The following EDC4 variants were observed in gnomAD, a reference collection of about 807,000 sequenced individuals.
EDC4 encodes enhancer of mRNA decapping 4.
Under a neutral mutation model 155.8 loss-of-function variants are expected in EDC4, and 64 were observed. That is an observed-to-expected ratio of 0.41 (90% CI 0.34 to 0.51). The LOEUF (loss-of-function observed/expected upper bound fraction) is 0.51. Among genes scored for constraint, EDC4 ranks in the 20% least tolerant of loss-of-function variants. The pLI, the probability that EDC4 is intolerant of heterozygous loss-of-function variation, is 0.19. For missense variants in EDC4, 1,303 were observed against 1,812.5 expected (o/e 0.72, Z 5.10); for synonymous variants, 684 against 716.8 (o/e 0.95, Z 0.73).
In EDC4 at chr16:67,879,219, T is replaced by C. The variant is rs371781428; in HGVS notation, c.1469-18T>C. 6.7e-5 allele frequency: 108 copies of C among 1,614,174 alleles called. No homozygotes were observed. The African/African-American group carries it at 1.4e-3, about 20-fold the overall frequency. On this transcript the variant is annotated intron_variant, in intron 12 of 28. Transcript: ENST00000358933. The surrounding 1 kb of genome is among the most constrained non-coding windows in gnomAD (Gnocchi z 6.0). Reference sequence around the variant, plus strand: ...ACAGAGAGGGCCAGGGGCTTCATCATCCACACTGTCCTTTCAGATGGTACC... The same window carrying C: ...ACAGAGAGGGCCAGGGGCTTCATCACCCACACTGTCCTTTCAGATGGTACC...
chr16:67,881,702 T>C lies in EDC4; in HGVS notation c.2861T>C (p.Ile954Thr). The change falls in exon 22 of 29, where the codon ATT (isoleucine) becomes ACT (threonine). Residue 954 changes from isoleucine (I) to threonine (T), a missense_variant. Ile to Thr is a moderately conservative substitution (Grantham distance 89). Transcript: ENST00000358933. This position sits in a 1 kb window ranked among gnomAD's most constrained non-coding sequence, Gnocchi z 5.4. The part of the protein sequence containing the change: ...AEPPEDWPAL[I>T]WQQQRELAEL... ...CCCCCTGAGGACTGGCCAGCACTAA[T>C]TTGGCAACAGCAGAGAGAGCTGGCA... The C allele has an allele frequency of 6.2e-7, 1 of 1,613,908 alleles. No homozygotes were observed. Among genetic ancestry groups the C allele is most frequent in the Non-Finnish European group, 8.5e-7 (1 of 1,179,904 alleles).
Position 67,877,936 on chromosome 16 carries a change from A to G in EDC4, c.894+91A>G. 6.4e-7 allele frequency: 1 copy of G among 1,555,028 alleles called. No individual in the cohort carries two copies. On this transcript the variant is annotated intron_variant, in intron 7 of 28. Coordinates refer to ENST00000358933, the MANE Select transcript of EDC4 (RefSeq NM_014329.5). The surrounding 1 kb of genome is among the most constrained non-coding windows in gnomAD (Gnocchi z 4.9). ...TATCCACAGCTGCCCGGGCAGCTTT[A>G]CTAGCATTCTGCCCGTGGGGACTCT... is the stretch of plus-strand genomic sequence containing the variant.
Position 67,876,131 on chromosome 16 carries a change from G to A in EDC4, c.239+30G>A. ...GTACCTAGGAGACGACAATAGTGGT[G>A]ATGGTGTATTTGGGGTGTCTGCTAG... On this transcript the variant is annotated intron_variant, in intron 2 of 28. Coordinates refer to ENST00000358933, the MANE Select transcript of EDC4 (RefSeq NM_014329.5). This position sits in a 1 kb window ranked among gnomAD's most constrained non-coding sequence, Gnocchi z 5.8. 4 of 1,607,756 alleles carry A rather than the reference G, an allele frequency of 2.5e-6. No homozygotes were observed. The highest frequency in any genetic ancestry group is 3.4e-6 in the Non-Finnish European group (4 of 1,174,996).
Position 67,873,109 on chromosome 16 carries a change from C to T in EDC4, c.-153C>T, listed in dbSNP as rs2058026063. The T allele has an allele frequency of 3.8e-6, 2 of 524,160 alleles. No homozygotes were observed. Among genetic ancestry groups the T allele is most frequent in the East Asian group, 3.6e-5 (1 of 27,954 alleles). The allele number at this position is 524,160 out of a possible 1,614,324, so 32.5% of individuals were successfully genotyped here. On this transcript the variant is annotated 5_prime_UTR_variant, in exon 1 of 29. Transcript: ENST00000358933. ...GGTTGGTGGGGTTGGCGGGGCTCAG[C>T]GACGCTGCGCGGGTGGCGGTTTGCG...
At position 67,876,581 on chromosome 16, in the gene EDC4, G is replaced by T. The variant is rs2058042422; in HGVS notation, c.333G>T (p.Lys111Asn). The T allele has an allele frequency of 1.2e-6, 2 of 1,614,014 alleles. No homozygotes were observed. The highest frequency in any genetic ancestry group is 2.7e-5 in the African/African-American group (2 of 74,930). The change falls in exon 3 of 29, where the codon AAG becomes AAT. Residue 111 changes from lysine (K) to asparagine (N), a missense_variant. Physicochemically the swap from Lys to Asn is moderately conservative, Grantham distance 94. This residue lies in a region of EDC4 where 51 missense variants were observed against 121.1 expected (regional missense o/e 0.42). Coordinates refer to ENST00000358933, the MANE Select transcript of EDC4 (RefSeq NM_014329.5). The surrounding 1 kb of genome is among the most constrained non-coding windows in gnomAD (Gnocchi z 5.8). ...GCAGTGACTCTAGCATTTCAAGCAA[G>T]GCCCGGGGAAGCAACAAGGTAGGTA... ...VASSDSSISS[K>N]ARGSNKVKIQ...
chr16:67,881,243 C>A lies in EDC4; in HGVS notation c.2637-22C>A. On this transcript the variant is annotated intron_variant, in intron 19 of 28. Coordinates refer to ENST00000358933, the MANE Select transcript of EDC4 (RefSeq NM_014329.5). The surrounding 1 kb of genome is among the most constrained non-coding windows in gnomAD (Gnocchi z 5.4). Reference sequence around the variant, plus strand: ...TGGGCAGCAAGTGGGCAGGGGCTTACTCCTCCTTCCCCTTCCCACAGTGAC... The same window carrying A: ...TGGGCAGCAAGTGGGCAGGGGCTTAATCCTCCTTCCCCTTCCCACAGTGAC... The A allele has an allele frequency of 6.2e-7, 1 of 1,613,948 alleles. No homozygotes were observed. Among genetic ancestry groups the A allele is most frequent in the Non-Finnish European group, 8.5e-7 (1 of 1,179,940 alleles).
Position 67,876,295 on chromosome 16 carries a change from A to G in EDC4, c.240-193A>G, listed in dbSNP as rs2058040967. 1.3e-5 allele frequency among the ~76,000 whole-genome samples: 2 copies of G among 152,194 alleles called. No homozygotes were observed. Among genetic ancestry groups the G allele is most frequent in the African/African-American group, 2.4e-5 (1 of 41,436 alleles). ...GGGGTTTGGCCTGGATACCTGGTTTAGAATGAAAGTAGGCTCATTCCCAAG... is the reference window on the plus strand; with the variant it reads ...GGGGTTTGGCCTGGATACCTGGTTTGGAATGAAAGTAGGCTCATTCCCAAG... On this transcript the variant is annotated intron_variant, in intron 2 of 28. Transcript: ENST00000358933. The surrounding 1 kb of genome is among the most constrained non-coding windows in gnomAD (Gnocchi z 5.8).
In EDC4 at chr16:67,882,604, G is replaced by A. The variant is rs1196390289; in HGVS notation, c.3442+10G>A. On this transcript the variant is annotated intron_variant, in intron 25 of 28. Coordinates refer to ENST00000358933, the MANE Select transcript of EDC4 (RefSeq NM_014329.5). This position sits in a 1 kb window ranked among gnomAD's most constrained non-coding sequence, Gnocchi z 7.2. ...CTGGGGACACAGGAATGTGAGTGGGGTCATATGGCCCAAGGTGGGAGGGGT... is the reference window on the plus strand; with the variant it reads ...CTGGGGACACAGGAATGTGAGTGGGATCATATGGCCCAAGGTGGGAGGGGT... The A allele has an allele frequency of 6.2e-7, 1 of 1,614,222 alleles. No individual in the cohort carries two copies. The highest frequency in any genetic ancestry group is 1.7e-5 in the Admixed American group (1 of 60,022).
rs1567390658 is a variant in EDC4, at chr16:67,879,908, G to A, written c.1880G>A (p.Ser627Asn). 1 of 1,613,798 alleles carries A rather than the reference G, an allele frequency of 6.2e-7. No homozygotes were observed. Among genetic ancestry groups the A allele is most frequent in the South Asian group, 1.1e-5 (1 of 91,086 alleles). Residue 627 changes from serine (S) to asparagine (N), a missense_variant, in exon 16 of 29, where the codon AGC becomes AAC. This residue lies in a region of EDC4 where 391 missense variants were observed against 445.4 expected (regional missense o/e 0.88). Transcript: ENST00000358933. This position sits in a 1 kb window ranked among gnomAD's most constrained non-coding sequence, Gnocchi z 6.0. ...SGSSSSSSSS[S>N]SSLTAVSAMS... is the part of the protein sequence containing the mutation. Reference sequence around the variant, plus strand: ...AGCAGCAGCAGCAGCAGCAGTAGCAGCAGCTCCCTTACAGCTGTGTCTGCC... The same window carrying A: ...AGCAGCAGCAGCAGCAGCAGTAGCAACAGCTCCCTTACAGCTGTGTCTGCC...
Position 67,883,840 on chromosome 16 carries a change from TCCA to T in EDC4, c.4014-112_4014-110del. 6.5e-7 allele frequency: 1 copy of T among 1,539,210 alleles called. No homozygotes were observed. Among genetic ancestry groups the T allele is most frequent in the East Asian group, 2.3e-5 (1 of 44,164 alleles). On this transcript the variant is annotated intron_variant, in intron 28 of 28. Transcript: ENST00000358933. The surrounding 1 kb of genome is among the most constrained non-coding windows in gnomAD (Gnocchi z 5.3). ...TGCCTGAATCCTCTCCCTAATTTTC[TCCA>T]CCAGTCCTTTCTGCCTTCACCCAGA...
chr16:67,875,552 C>T (rs1415121709), intron 1 of EDC4, among the ~76,000 whole-genome samples: 1 of 152,252 alleles, frequency 6.6e-6, no homozygotes, highest in South Asian at 2.1e-4. Flanking sequence ...TACCTGATGC[C>T]TCTGTAGCTT....
In EDC4 at chr16:67,873,113, G is replaced by A. The variant is rs2058026093; in HGVS notation, c.-149G>A. 3 of 539,640 alleles carry A rather than the reference G, an allele frequency of 5.6e-6. No homozygotes were observed. The highest frequency in any genetic ancestry group is 8.8e-6 in the Non-Finnish European group (3 of 339,220). The allele number at this position is 539,640 out of a possible 1,614,324, so 33.4% of individuals were successfully genotyped here. On this transcript the variant is annotated 5_prime_UTR_variant, in exon 1 of 29. Coordinates refer to ENST00000358933, the MANE Select transcript of EDC4 (RefSeq NM_014329.5). ...GGTGGGGTTGGCGGGGCTCAGCGAC[G>A]CTGCGCGGGTGGCGGTTTGCGAACT...
rs2058066664 is a variant in EDC4 at position 67,881,253 on chromosome 16, C to G, written c.2637-12C>G. The G allele has an allele frequency of 6.2e-7, 1 of 1,613,934 alleles. No individual in the cohort carries two copies. Among genetic ancestry groups the G allele is most frequent in the Non-Finnish European group, 8.5e-7 (1 of 1,180,004 alleles). On this transcript the variant is annotated splice_polypyrimidine_tract_variant and intron_variant, in intron 19 of 28. Transcript: ENST00000358933. The surrounding 1 kb of genome is among the most constrained non-coding windows in gnomAD (Gnocchi z 5.4). ...GTGGGCAGGGGCTTACTCCTCCTTC[C>G]CCTTCCCACAGTGACCATGATGATG...
Position 67,876,871 on chromosome 16 carries a change from A to T in EDC4, c.352-2A>T, listed in dbSNP as rs781433949. On this transcript the variant is annotated splice_acceptor_variant, in intron 3 of 28. Transcript: ENST00000358933. LOFTEE classifies it high-confidence loss of function. This position sits in a 1 kb window ranked among gnomAD's most constrained non-coding sequence, Gnocchi z 5.8. ...ATGACTTTTCTCACCCTGGGTTCTC[A>T]GGTGAAAATTCAGCCTGTCGCCAAG... The T allele has an allele frequency of 3.1e-6, 5 of 1,613,786 alleles. No homozygotes were observed.
chr16:67,881,902 C>T lies in EDC4; in HGVS notation c.3005-52C>T. 6.2e-7 allele frequency: 1 copy of T among 1,603,032 alleles called. No homozygotes were observed. On this transcript the variant is annotated intron_variant, in intron 22 of 28. Transcript: ENST00000358933. The surrounding 1 kb of genome is among the most constrained non-coding windows in gnomAD (Gnocchi z 5.4). ...TAGGGACGGGGGCAGCATTCTTGGC[C>T]TGGGAAGGAGTACACGACCTGCTCC...
Position 67,878,830 on chromosome 16 carries a change from G to A in EDC4, c.1278G>A (p.Val426=). The change falls in exon 11 of 29, where the codon GTG becomes GTA. Residue 426 remains valine, a synonymous_variant. Coordinates refer to ENST00000358933, the MANE Select transcript of EDC4 (RefSeq NM_014329.5). This position sits in a 1 kb window ranked among gnomAD's most constrained non-coding sequence, Gnocchi z 5.2. ...LSAEYLILSD[V]QRKVLYVMEL... is the part of the protein sequence containing the mutation. ...CAGAATACCTGATTCTCAGCGATGT[G>A]CAACGGAAGGTAGGCTGCCATGGGG... 1 of 1,613,712 alleles carries A rather than the reference G, an allele frequency of 6.2e-7. No individual in the cohort carries two copies. Among genetic ancestry groups the A allele is most frequent in the Non-Finnish European group, 8.5e-7 (1 of 1,180,032 alleles).
In EDC4 at chr16:67,881,993, G is replaced by C; in HGVS notation, c.3044G>C (p.Arg1015Pro). The stretch of plus-strand genomic sequence containing the variant: ...CGAGCACTGGCTGAGGGGCAGCAGC[G>C]GGGAGGGCAGCTGCAGGAGCAGCTG... ...LERALAEGQQ[R>P]GGQLQEQLTQ... The change falls in exon 23 of 29, where the codon CGG becomes CCG. Residue 1015 changes from arginine to proline, a missense_variant. Physicochemically the swap from Arg to Pro is moderately radical, Grantham distance 103 (BLOSUM62 -2). Coordinates refer to ENST00000358933, the MANE Select transcript of EDC4 (RefSeq NM_014329.5). This position sits in a 1 kb window ranked among gnomAD's most constrained non-coding sequence, Gnocchi z 5.4. 1.2e-6 allele frequency: 2 copies of C among 1,610,716 alleles called. No individual in the cohort carries two copies. The highest frequency in any genetic ancestry group is 1.7e-6 in the Non-Finnish European group (2 of 1,178,686).
intron 1 of EDC4, among the ~76,000 whole-genome samples, chr16:67,874,117 G>C (rs2058032614): frequency 6.6e-6 from 1 of 152,166 alleles, no homozygotes; most frequent in Non-Finnish European, 1.5e-5. Context: ...AGGTCTGAGA[G>C]GGGAGACTGG....
rs534689402 is a variant in EDC4, at chr16:67,883,211, G to A, written c.3849+34G>A. ...GGCATTAGGCCCTGCTAAGGGTCACGTGTCTCTTGACAAGGCCCACATACC... is the reference window on the plus strand; with the variant it reads ...GGCATTAGGCCCTGCTAAGGGTCACATGTCTCTTGACAAGGCCCACATACC... On this transcript the variant is annotated intron_variant, in intron 27 of 28. Coordinates refer to ENST00000358933, the MANE Select transcript of EDC4 (RefSeq NM_014329.5). The surrounding 1 kb of genome is among the most constrained non-coding windows in gnomAD (Gnocchi z 5.3). The A allele has an allele frequency of 5.2e-6, 8 of 1,526,060 alleles. No individual in the cohort carries two copies. Among genetic ancestry groups the A allele is most frequent in the East Asian group, 2.4e-5 (1 of 40,886 alleles). The allele number at this position is 1,526,060 out of a possible 1,614,324, so 94.5% of individuals were successfully genotyped here.
Sources: gnomAD v4.1 joint callset for allele counts (sites outside exome capture counted in the v4.1 genomes callset) on GRCh38, gnomAD v4.1.1 for gene constraint, gnomAD v4.1.1 regional missense constraint, Gnocchi (gnomAD v3.1) non-coding constraint, MANE v1.5 for transcripts, NCBI Gene and HGNC (gene_info 2026-07-23, HGNC 2026-07-21) for gene names.